MAP3K2: variants seen among roughly 807,000 people sequenced by gnomAD.
The protein encoded by MAP3K2 is MAP/ERK kinase kinase 2.
In MAP3K2, 24 loss-of-function variants were observed where a neutral mutation model predicts 80.3. That is an observed-to-expected ratio of 0.30 (90% CI 0.22 to 0.42). MAP3K2 has a LOEUF of 0.42. MAP3K2 is among the 10% of genes least tolerant of loss of function. MAP3K2 has a pLI of 1.00. For missense variants in MAP3K2, 608 were observed against 750.1 expected (o/e 0.81, Z 2.21); for synonymous variants, 244 against 253.7 (o/e 0.96, Z 0.36).
At chr2:127,366,894 C>CAAAA (rs1686983361) in intron 1 of MAP3K2, among the ~76,000 whole-genome samples, 2 of 86,500 alleles carry the variant, frequency 2.3e-5, no homozygotes, top group African/African-American at 8.3e-5. Flanking sequence ...TTTTTTGAGA[C>CAAAA]AGAGTCTCGC....
chr2:127,328,263 A>C (rs1042962212), intron 7 of MAP3K2, among the ~76,000 whole-genome samples: 4 of 152,264 alleles, frequency 2.6e-5, no homozygotes, highest in Non-Finnish European at 5.9e-5. Context: ...TGACGGAGTG[A>C]GACTCTGTCT....
At position 127,322,325 on chromosome 2, in the gene MAP3K2, A is replaced by C. The variant is rs1686040696; in HGVS notation, c.839-73T>G. 37 of 966,732 alleles carry C rather than the reference A, an allele frequency of 3.8e-5. No homozygotes were observed. The South Asian group carries it at 6.3e-4, about 16-fold the overall frequency. 59.9% of individuals were successfully genotyped at this position (966,732 alleles called of 1,614,324 possible). On this transcript the variant is annotated intron_variant, in intron 11 of 16. Transcript: ENST00000682094. This position sits in a 1 kb window ranked among gnomAD's most constrained non-coding sequence, Gnocchi z 4.2. ...TACTTTTAAAGTATTTAAAATTTGT[A>C]ATGTAGAGAATAGAAATTTGTCCTG...
chr2:127,308,032 C>T (rs576995370), intron 16 of MAP3K2, among the ~76,000 whole-genome samples: 2 of 152,212 alleles, frequency 1.3e-5, no homozygotes, highest in East Asian at 3.9e-4. Context: ...GGGCAAAGAA[C>T]ATTATTCATC....
chr2:127,314,351 T>C (rs1685861529), intron 15 of MAP3K2, among the ~76,000 whole-genome samples: 1 of 152,182 alleles, frequency 6.6e-6, no homozygotes, highest in Non-Finnish European at 1.5e-5. Flanking sequence ...GATACTATTA[T>C]CTCCATCATT....
At chr2:127,388,435 T>C (rs1687426915), upstream of MAP3K2, 1 of 984,800 alleles carries the variant, frequency 1.0e-6, no homozygotes, top group Non-Finnish European at 1.2e-6. Flanking sequence ...GGCTCAAGTT[T>C]CAGAATTTTT....
rs1251528342 is a variant in MAP3K2, at chr2:127,335,886, T to C, written c.248A>G (p.His83Arg). ...CATGTTTACCTCGTTATTGGTATAA[T>C]GTAGATCCATAGACTGTCCAAAGGC... is the stretch of plus-strand genomic sequence containing the variant. Reference protein sequence around the residue: ...KIAFGQSMDLHYTNNELVIPL... With the variant: ...KIAFGQSMDLRYTNNELVIPL... The change falls in exon 5 of 17, where the codon CAT becomes CGT. Residue 83 changes from histidine to arginine, a missense_variant. Physicochemically the swap from His to Arg is conservative, Grantham distance 29. Coordinates refer to ENST00000682094, the MANE Select transcript of MAP3K2 (RefSeq NM_001371910.2). The C allele has an allele frequency of 1.2e-5, 19 of 1,557,790 alleles. No homozygotes were observed. Among genetic ancestry groups the C allele is most frequent in the Non-Finnish European group, 1.7e-5 (19 of 1,144,204 alleles).
intron 2 of MAP3K2, among the ~76,000 whole-genome samples, chr2:127,340,515 G>A (rs868716468): frequency 6.6e-6 from 1 of 152,100 alleles, no homozygotes; most frequent in African/African-American, 2.4e-5. Context: ...AAATTAGCCA[G>A]GCATGGTGGC....
intron 5 of MAP3K2, among the ~76,000 whole-genome samples, chr2:127,333,916 T>G (rs942962729): frequency 1.3e-5 from 2 of 152,088 alleles, no homozygotes; most frequent in East Asian, 3.9e-4. Flanking sequence ...CTGGGCAACA[T>G]GGTGAAACCC....
chr2:127,360,872 G>T (rs1574001655), intron 1 of MAP3K2, among the ~76,000 whole-genome samples: 1 of 152,160 alleles, frequency 6.6e-6, no homozygotes, highest in African/African-American at 2.4e-5. Context: ...TTTCAAAGAA[G>T]TATTTCCCAC....
At chr2:127,343,354 C>T in intron 1 of MAP3K2, 160 bp from the exon 2 acceptor site, 1 of 467,474 alleles carries the variant, frequency 2.1e-6, no homozygotes, top group Non-Finnish European at 3.8e-6. Flanking sequence ...GAAGGTTGAT[C>T]ATGTAGGCAC....
chr2:127,353,267 C>A (rs1345843837), intron 1 of MAP3K2, among the ~76,000 whole-genome samples: 3 of 151,704 alleles, frequency 2.0e-5, no homozygotes, highest in South Asian at 2.1e-4. Flanking sequence ...CGTCTCTGCC[C>A]GGCCGCCCAT....
In MAP3K2 at chr2:127,361,039, C is replaced by G. The variant is rs560027863; in HGVS notation, c.-65-17845G>C. 4.1e-3 allele frequency among the ~76,000 whole-genome samples: 626 copies of G among 152,016 alleles called. 5 individuals are homozygous for G. Among genetic ancestry groups the G allele is most frequent in the African/African-American group, 0.014 (584 of 41,446 alleles). ...ATATAAAATTCAAATTTAGGCAGGGCGCGGTGGCTCAAGCCCGTAATCCCA... is the reference window on the plus strand; with the variant it reads ...ATATAAAATTCAAATTTAGGCAGGGGGCGGTGGCTCAAGCCCGTAATCCCA... On this transcript the variant is annotated intron_variant, in intron 1 of 16. Transcript: ENST00000682094.
Position 127,304,386 on chromosome 2 carries a change from A to G in MAP3K2, c.*3193T>C, listed in dbSNP as rs1464629376. The stretch of plus-strand genomic sequence containing the variant: ...ATACAACATTTTGTTTGCAATGTAA[A>G]AGATCTTATATTTGGTCCAAGCCTA... On this transcript the variant is annotated 3_prime_UTR_variant, in exon 17 of 17. Coordinates refer to ENST00000682094, the MANE Select transcript of MAP3K2 (RefSeq NM_001371910.2). The G allele has an allele frequency of 6.6e-6, 1 of 152,122 alleles. No homozygotes were observed. Among genetic ancestry groups the G allele is most frequent in the East Asian group, 1.9e-4 (1 of 5,190 alleles). 9.4% of individuals were successfully genotyped at this position (152,122 alleles called of 1,614,324 possible). A position where few individuals can be genotyped will look rare whatever the true frequency, so the allele number is the denominator to read the frequency against.
Position 127,299,126 on chromosome 2 carries a change from T to A in MAP3K2, c.*8453A>T, listed in dbSNP as rs921116990. ...TTCTGGTAGGTTTTCCTAATCACAC[T>A]GGTTCCTTTTAACATAATAAGCTTA... On this transcript the variant is annotated 3_prime_UTR_variant, in exon 17 of 17. Transcript: ENST00000682094. 2 of 152,196 alleles carry A rather than the reference T, an allele frequency of 1.3e-5. No individual in the cohort carries two copies. The highest frequency in any genetic ancestry group is 4.8e-5 in the African/African-American group (2 of 41,448). 9.4% of individuals were successfully genotyped at this position (152,196 alleles called of 1,614,324 possible).
intron 5 of MAP3K2, among the ~76,000 whole-genome samples, chr2:127,333,277 AACACAC>A (rs35382458): frequency 1.2e-4 from 17 of 144,888 alleles, no homozygotes; most frequent in South Asian, 2.3e-4. Flanking sequence ...CAACCCTCAT[AACACAC>A]ACACACACAC....
At chr2:127,382,941 G>C (rs1048701412) in intron 1 of MAP3K2, among the ~76,000 whole-genome samples, 1 of 152,222 alleles carries the variant, frequency 6.6e-6, no homozygotes, top group African/African-American at 2.4e-5. Context: ...TTATAAAGAA[G>C]AGAGGTTTAA....
chr2:127,366,584 T>C (rs931201991), intron 1 of MAP3K2, among the ~76,000 whole-genome samples: 1 of 152,156 alleles, frequency 6.6e-6, no homozygotes, highest in Admixed American at 6.5e-5. Flanking sequence ...CACTTTTTTA[T>C]ATAATCATTT....
chr2:127,308,058 T>C (rs1038213749), intron 16 of MAP3K2, among the ~76,000 whole-genome samples: 9 of 152,216 alleles, frequency 5.9e-5, no homozygotes, highest in African/African-American at 2.2e-4. Context: ...ATTTTTGTTT[T>C]ATATAATTTC....
chr2:127,322,649 A>AGT lies in MAP3K2; in HGVS notation c.839-399_839-398dup, dbSNP rs1292754482. 6.6e-6 allele frequency among the ~76,000 whole-genome samples: 1 copy of AGT among 152,102 alleles called. No homozygotes were observed. The highest frequency in any genetic ancestry group is 1.5e-5 in the Non-Finnish European group (1 of 68,018). ...ACTCTTGTTGCCCAGGCTGGAGTGC[A>AGT]GTGGTACAATCTCGGCTCACTGCAA... On this transcript the variant is annotated intron_variant, in intron 11 of 16. Coordinates refer to ENST00000682094, the MANE Select transcript of MAP3K2 (RefSeq NM_001371910.2). This position sits in a 1 kb window ranked among gnomAD's most constrained non-coding sequence, Gnocchi z 4.2.
Sources: allele counts gnomAD v4.1 joint callset (sites outside exome capture counted in the v4.1 genomes callset), GRCh38; gene constraint gnomAD v4.1.1; non-coding constraint Gnocchi (gnomAD v3.1); transcripts MANE v1.5; gene names NCBI Gene and HGNC (gene_info 2026-07-23, HGNC 2026-07-21).